LIN52: variants seen among roughly 807,000 people sequenced by gnomAD.
The protein encoded by LIN52 is protein lin-52 homolog.
A neutral mutation model predicts 18.5 loss-of-function variants in LIN52; 4 were observed. The observed-to-expected ratio is 0.22, with a 90% CI of 0.11 to 0.49. The LOEUF (loss-of-function observed/expected upper bound fraction) is 0.49, where lower values mean the gene tolerates loss of function less well. Ranked by LOEUF, LIN52 falls within the 20% of genes least tolerant of loss-of-function variation. The pLI is 0.97. For missense variants in LIN52, 102 were observed against 139.5 expected (o/e 0.73, Z 1.35); for synonymous variants, 34 against 45.5 (o/e 0.75, Z 1.02).
intron 5 of LIN52, among the ~76,000 whole-genome samples, chr14:74,140,338 G>A (rs573385828): frequency 6.6e-6 from 1 of 152,216 alleles, no homozygotes; most frequent in East Asian, 1.9e-4. Context: ...TTACCTCCTC[G>A]ATCCATATTA....
At chr14:74,130,278 G>GTTTTTGTTTTTTTTTTTTT in intron 5 of LIN52, among the ~76,000 whole-genome samples, 1 of 64,842 alleles carries the variant, frequency 1.5e-5, no homozygotes, top group Non-Finnish European at 2.8e-5. Flanking sequence ...GCATTTTTTG[G>GTTTTTGTTTTTTTTTTTTT]TTTTTTTTTT....
intron 5 of LIN52, among the ~76,000 whole-genome samples, chr14:74,132,000 CATT>C (rs1849811108): frequency 6.6e-6 from 1 of 152,164 alleles, no homozygotes; most frequent in Non-Finnish European, 1.5e-5. Flanking sequence ...CTACAAAGCT[CATT>C]AGTGACAGAA....
chr14:74,091,796 A>G (rs1292427934), intron 2 of LIN52, among the ~76,000 whole-genome samples: 3 of 149,544 alleles, frequency 2.0e-5, no homozygotes, highest in African/African-American at 4.9e-5. Flanking sequence ...AAAAAAAAAA[A>G]AGTTCTGATA....
intron 5 of LIN52, among the ~76,000 whole-genome samples, chr14:74,143,686 G>A (rs2061142554): frequency 6.6e-6 from 1 of 151,902 alleles, no homozygotes; most frequent in African/African-American, 2.4e-5. Context: ...TGTTTATGGG[G>A]TACAGTTTGA....
intron 5 of LIN52, among the ~76,000 whole-genome samples, chr14:74,120,065 A>G (rs1199419925): frequency 6.6e-6 from 1 of 151,372 alleles, no homozygotes; most frequent in Non-Finnish European, 1.5e-5. Context: ...CAAACTCATG[A>G]CCTCGGGTGA....
intron 5 of LIN52, among the ~76,000 whole-genome samples, chr14:74,171,591 T>A (rs2061270752): frequency 1.3e-5 from 2 of 152,118 alleles, no homozygotes; most frequent in African/African-American, 4.8e-5. Flanking sequence ...AAAGCCATTA[T>A]ACTAGAAATT....
chr14:74,114,163 A>G, intron 5 of LIN52: 1 of 958,066 alleles, frequency 1.0e-6, no homozygotes, highest in Non-Finnish European at 1.2e-6. Flanking sequence ...CTTTTTTAAT[A>G]TAACTGAGAT....
chr14:74,109,726 T>A (rs1284836338), intron 5 of LIN52, among the ~76,000 whole-genome samples: 1 of 152,256 alleles, frequency 6.6e-6, no homozygotes, highest in East Asian at 1.9e-4. Flanking sequence ...TAAATGGAAT[T>A]GTTGTCTTAA....
chr14:74,140,591 C>T (rs764274179), intron 5 of LIN52, among the ~76,000 whole-genome samples: 46 of 152,172 alleles, frequency 3.0e-4, no homozygotes, highest in Non-Finnish European at 6.2e-4. Context: ...CCGGAGGACT[C>T]TACAGCTGTC....
intron 5 of LIN52, among the ~76,000 whole-genome samples, chr14:74,185,289 ATTTGATTTTATAATGAT>A (rs1362658748): frequency 2.6e-5 from 3 of 116,088 alleles, no homozygotes; most frequent in Non-Finnish European, 3.8e-5. Context: ...TATGTAATAT[ATTTGATTTTATAATGAT>A]TTCTTTTTTT....
chr14:74,152,929 C>T (rs1375398611), intron 5 of LIN52, among the ~76,000 whole-genome samples: 2 of 131,754 alleles, frequency 1.5e-5, no homozygotes, highest in Admixed American at 9.1e-5. Context: ...CACTGCCCTC[C>T]AGCTGGGGCA....
intron 5 of LIN52, among the ~76,000 whole-genome samples, chr14:74,106,016 G>A (rs2060895226): frequency 6.6e-6 from 1 of 152,150 alleles, no homozygotes. Context: ...TTCTTATAGG[G>A]ATTTATAGTC....
chr14:74,192,434 TGC>T (rs2078883774), intron 5 of LIN52, among the ~76,000 whole-genome samples: 1 of 152,030 alleles, frequency 6.6e-6, no homozygotes, highest in African/African-American at 2.4e-5. Context: ...TACAGGCACA[TGC>T]CCCCACGCCC....
chr14:74,165,652 GCA>G (rs2061246391), intron 5 of LIN52, among the ~76,000 whole-genome samples: 1 of 151,598 alleles, frequency 6.6e-6, no homozygotes, highest in Non-Finnish European at 1.5e-5. Context: ...GGGATTACAG[GCA>G]CATGCCACCA....
Position 74,091,326 on chromosome 14 carries a change from A to C in LIN52, c.94+20A>C. ...AACAATGTAAGTTTTTGCCTTCTTT[A>C]TATCAGAGTCAATGCAGGAGAAACA... On this transcript the variant is annotated intron_variant, in intron 2 of 5. Coordinates refer to ENST00000555028, the MANE Select transcript of LIN52 (RefSeq NM_001024674.3). 4 of 1,536,292 alleles carry C rather than the reference A, an allele frequency of 2.6e-6. No homozygotes were observed. The highest frequency in any genetic ancestry group is 2.7e-6 in the Non-Finnish European group (3 of 1,113,314).
intron 5 of LIN52, chr14:74,192,664 C>T: frequency 4.0e-6 from 1 of 250,024 alleles, no homozygotes; most frequent in South Asian, 4.8e-5. Flanking sequence ...AGGCATACAC[C>T]ACTTGGTAGA....
chr14:74,097,726 T>A lies in LIN52; in HGVS notation c.133-68T>A, dbSNP rs2060824442. On this transcript the variant is annotated intron_variant, in intron 3 of 5. Coordinates refer to ENST00000555028, the MANE Select transcript of LIN52 (RefSeq NM_001024674.3). ...CACCGCATCCGGCCCAGGCTACACT[T>A]CTTATAAGAATAATAGGGTCTCCTC... 3 of 1,209,148 alleles carry A rather than the reference T, an allele frequency of 2.5e-6. No individual in the cohort carries two copies. The South Asian group carries it at 3.8e-5, about 15-fold the overall frequency. The allele number at this position is 1,209,148 out of a possible 1,614,324, so 74.9% of individuals were successfully genotyped here.
intron 5 of LIN52, among the ~76,000 whole-genome samples, chr14:74,126,227 C>G (rs10143548): frequency 0.039 from 5,961 of 152,136 alleles, 327 homozygotes; most frequent in African/African-American, 0.12. Context: ...AAAACAAAAA[C>G]AGAAAGTAAC....
chr14:74,107,481 T>C (rs895136742), intron 5 of LIN52, among the ~76,000 whole-genome samples: 1 of 152,188 alleles, frequency 6.6e-6, no homozygotes, highest in Non-Finnish European at 1.5e-5. Flanking sequence ...AGCTTTCCCT[T>C]TTCATCCTTG....
Sources: allele counts gnomAD v4.1 joint callset (sites outside exome capture counted in the v4.1 genomes callset), GRCh38; gene constraint gnomAD v4.1.1; transcripts MANE v1.5; gene names NCBI Gene and HGNC (gene_info 2026-07-23, HGNC 2026-07-21).